The following TULP3 variants were observed in gnomAD, a reference collection of about 807,000 sequenced individuals.
TULP3 encodes the protein TUB like protein 3, also known as tubby-related protein 3.
Under a neutral mutation model 50.7 loss-of-function variants are expected in TULP3, and 38 were observed. The observed-to-expected ratio is 0.75, with a 90% CI of 0.58 to 0.98. The LOEUF is 0.98. Among genes scored for constraint, TULP3 ranks in the 50% least tolerant of loss-of-function variants. The probability of loss-of-function intolerance (pLI) is 0.00; values close to 1 mark genes in which losing one functional copy is unlikely to be tolerated. For synonymous variants in TULP3, 183 were observed against 196.6 expected (o/e 0.93, Z 0.58); for missense variants, 550 against 568.0 (o/e 0.97, Z 0.32).
At chr12:2,933,659 A>T in intron 7 of TULP3, 129 bp downstream of exon 7, 1 of 478,218 alleles carries the variant, frequency 2.1e-6, no homozygotes. Context: ...AGAAAAAGGA[A>T]AAAAAAAAAA....
chr12:2,922,296 C>T lies in TULP3; in HGVS notation c.288C>T (p.Asp96=), dbSNP rs781648074. The T allele has an allele frequency of 3.5e-5, 56 of 1,614,058 alleles. 1 individual carries two copies. The South Asian group carries it at 4.3e-4, about 12-fold the overall frequency. ...GTCCAGCTGCTGTCCTGAAACCAGACGAAGTTCATGCTCCATCAGTAAGCT... is the reference window on the plus strand; with the variant it reads ...GTCCAGCTGCTGTCCTGAAACCAGATGAAGTTCATGCTCCATCAGTAAGCT... ...IDGPAAVLKP[D]EVHAPSVSSS... Residue 96 remains aspartate, a synonymous_variant, in exon 4 of 11, where the codon GAC becomes GAT. Transcript: ENST00000448120.
rs945251202 is a variant in TULP3 at position 2,940,574 on chromosome 12, C to T, written c.*1130C>T. 88 of 1,551,518 alleles carry T rather than the reference C, an allele frequency of 5.7e-5. No homozygotes were observed. The highest frequency in any genetic ancestry group is 1.8e-4 in the Admixed American group (9 of 50,962). On this transcript the variant is annotated 3_prime_UTR_variant, in exon 11 of 11. Coordinates refer to ENST00000448120, the MANE Select transcript of TULP3 (RefSeq NM_003324.5). Reference sequence around the variant, plus strand: ...AATGCAGGAGCTCTGTGAGCTCCACCGTCAGCACCATTCAGCTGCATCCCT... The same window carrying T: ...AATGCAGGAGCTCTGTGAGCTCCACTGTCAGCACCATTCAGCTGCATCCCT...
In TULP3 at chr12:2,938,298, G is replaced by A. The variant is rs532056796; in HGVS notation, c.1195+13G>A. On this transcript the variant is annotated intron_variant, in intron 10 of 10. Coordinates refer to ENST00000448120, the MANE Select transcript of TULP3 (RefSeq NM_003324.5). Reference sequence around the variant, plus strand: ...CACAAAAATGACCGTAAGCCTCCAGGAGGGGTTGGGTGGGAAGAGGAGGAC... The same window carrying A: ...CACAAAAATGACCGTAAGCCTCCAGAAGGGGTTGGGTGGGAAGAGGAGGAC... The A allele has an allele frequency of 2.5e-6, 4 of 1,612,586 alleles. No individual in the cohort carries two copies. The East Asian group carries it at 8.9e-5, about 36-fold the overall frequency.
chr12:2,926,479 T>C (rs2098194746), intron 4 of TULP3, among the ~76,000 whole-genome samples: 1 of 152,242 alleles, frequency 6.6e-6, no homozygotes. Flanking sequence ...AGTGAAACCC[T>C]GTCTCAAAAA....
At chr12:2,900,667 ATTC>A (rs1223324980) in intron 1 of TULP3, among the ~76,000 whole-genome samples, 6 of 151,424 alleles carry the variant, frequency 4.0e-5, no homozygotes, top group Non-Finnish European at 7.4e-5. Flanking sequence ...TCCTTCTGGA[ATTC>A]TTCTATTCCT....
At chr12:2,938,084 G>A (rs1254577629) in intron 9 of TULP3, 30 bp from the exon 10 acceptor site, 4 of 1,613,080 alleles carry the variant, frequency 2.5e-6, no homozygotes, top group African/African-American at 1.3e-5. Context: ...GGAGTTCTCA[G>A]TACAAAGTAA....
chr12:2,896,893 T>G (rs2098175843), intron 1 of TULP3, among the ~76,000 whole-genome samples: 1 of 152,180 alleles, frequency 6.6e-6, no homozygotes, highest in Non-Finnish European at 1.5e-5. Context: ...AAAAATAATA[T>G]ATATTTAATA....
In TULP3 at chr12:2,927,366, A is replaced by T. The variant is rs1319946174; in HGVS notation, c.395-2882A>T. ...GGACCTATGTTTTCAGTTGAGACTG[A>T]TTTTTTTTTTTTTTTTTTGAGACCA... On this transcript the variant is annotated intron_variant, in intron 4 of 10. Coordinates refer to ENST00000448120, the MANE Select transcript of TULP3 (RefSeq NM_003324.5). Among the ~76,000 whole-genome samples, 41 of 105,164 alleles carry T rather than the reference A, an allele frequency of 3.9e-4. 1 individual carries two copies. The highest frequency in any genetic ancestry group is 6.2e-4 in the African/African-American group (16 of 25,760). The allele number at this position is 105,164 out of a possible 152,430, so 69.0% of individuals were successfully genotyped here.
At chr12:2,926,508 A>G (rs2098194760) in intron 4 of TULP3, among the ~76,000 whole-genome samples, 1 of 152,252 alleles carries the variant, frequency 6.6e-6, no homozygotes, top group South Asian at 2.1e-4. Flanking sequence ...TTAGTATTTT[A>G]GACAGCAGAA....
Position 2,939,375 on chromosome 12 carries a change from C to T in TULP3, c.1260C>T (p.Tyr420=), listed in dbSNP as rs767264744. 6.2e-6 allele frequency: 10 copies of T among 1,614,228 alleles called. No individual in the cohort carries two copies. The South Asian group carries it at 1.1e-4, about 18-fold the overall frequency. Residue 420 remains tyrosine, a synonymous_variant, in exon 11 of 11, where the codon TAC becomes TAT. Coordinates refer to ENST00000448120, the MANE Select transcript of TULP3 (RefSeq NM_003324.5). The surrounding 1 kb of genome is among the most constrained non-coding windows in gnomAD (Gnocchi z 4.0). Reference sequence around the variant, plus strand: ...ACGTGTTCACACTGGATTACAACTACCCACTTTGTGCAGTACAGGCCTTTG... The same window carrying T: ...ACGTGTTCACACTGGATTACAACTATCCACTTTGTGCAGTACAGGCCTTTG... The part of the protein sequence containing the change: ...ADDVFTLDYN[Y]PLCAVQAFGI...
intron 2 of TULP3, among the ~76,000 whole-genome samples, chr12:2,910,191 G>T (rs973014794): frequency 2.6e-5 from 4 of 152,170 alleles, no homozygotes; most frequent in Admixed American, 2.6e-4. Flanking sequence ...TACTCAGGAG[G>T]CTGAGGCAGG....
chr12:2,928,301 C>T (rs868180489), intron 4 of TULP3, among the ~76,000 whole-genome samples: 3 of 152,080 alleles, frequency 2.0e-5, no homozygotes, highest in Middle Eastern at 3.4e-3. Flanking sequence ...GAGGCTTAGG[C>T]GGACAGATCA....
chr12:2,925,116 C>T (rs899194226), intron 4 of TULP3, among the ~76,000 whole-genome samples: 4 of 150,758 alleles, frequency 2.7e-5, no homozygotes, highest in Non-Finnish European at 4.4e-5. Context: ...TGCAGTGAGC[C>T]GAGATCACGC....
chr12:2,920,893 A>G lies in TULP3; in HGVS notation c.224A>G (p.His75Arg). Reference protein sequence around the residue: ...SDEQTPLVNCHTPHSNVILHG... With the variant: ...SDEQTPLVNCRTPHSNVILHG... ...GAGCAGACTCCCTTGGTGAACTGTC[A>G]TACTCCCCACAGCAATGTCATCTTA... The change falls in exon 3 of 11, where the codon CAT becomes CGT. Residue 75 changes from histidine to arginine, a missense_variant. Physicochemically the swap from His to Arg is conservative, Grantham distance 29 (BLOSUM62 0). Transcript: ENST00000448120. 3 of 1,614,174 alleles carry G rather than the reference A, an allele frequency of 1.9e-6. No homozygotes were observed. The highest frequency in any genetic ancestry group is 2.5e-6 in the Non-Finnish European group (3 of 1,180,030).
chr12:2,893,237 G>A (rs2098173260), intron 1 of TULP3, among the ~76,000 whole-genome samples: 1 of 151,702 alleles, frequency 6.6e-6, no homozygotes, highest in Non-Finnish European at 1.5e-5. Context: ...TAATGTTAGT[G>A]CAACTTCTAT....
chr12:2,938,207 C>T lies in TULP3; in HGVS notation c.1117C>T (p.Gln373Ter). 1.2e-6 allele frequency: 2 copies of T among 1,614,198 alleles called. No homozygotes were observed. Among genetic ancestry groups the T allele is most frequent in the Non-Finnish European group, 1.7e-6 (2 of 1,180,040 alleles). The change falls in exon 10 of 11, where the codon CAG becomes TAG. Residue 373 changes from glutamine (Q) to a stop codon, truncating the protein, a stop_gained. Coordinates refer to ENST00000448120, the MANE Select transcript of TULP3 (RefSeq NM_003324.5). LOFTEE classifies it high-confidence loss of function. ...GGCCCCCGTCTGGAACAGTGACACT[C>T]AGTCCTATGTCCTCAACTTCCGTGG... Reference protein sequence around the residue: ...NKAPVWNSDTQSYVLNFRGRV... With the variant: ...NKAPVWNSDT
At chr12:2,937,870 G>T in intron 9 of TULP3, 141 bp downstream of exon 9, 1 of 876,190 alleles carries the variant, frequency 1.1e-6, no homozygotes, top group Non-Finnish European at 1.7e-6. Context: ...CTTTAGGAAA[G>T]CTGCCCCTCC....
chr12:2,937,489 T>TTATAGGCGTGATCCACTG, intron 8 of TULP3, 142 bp from the exon 9 acceptor site: 2 of 664,862 alleles, frequency 3.0e-6, no homozygotes, highest in Non-Finnish European at 5.4e-6. Flanking sequence ...AGTGCTGGGA[T>TTATAGGCGTGATCCACTG]TATAGGCGTG....
At chr12:2,897,832 A>T (rs901461989) in intron 1 of TULP3, among the ~76,000 whole-genome samples, 2 of 150,320 alleles carry the variant, frequency 1.3e-5, no homozygotes, top group African/African-American at 4.9e-5. Flanking sequence ...TAATCCCAGC[A>T]CTTTGGGAGG....
Sources: gnomAD v4.1 joint callset for allele counts (sites outside exome capture counted in the v4.1 genomes callset) on GRCh38, gnomAD v4.1.1 for gene constraint, Gnocchi (gnomAD v3.1) non-coding constraint, MANE v1.5 for transcripts, NCBI Gene and HGNC (gene_info 2026-07-23, HGNC 2026-07-21) for gene names.